Variants in MYZAP observed in about 807,000 individuals in gnomAD.
MYZAP encodes the protein GRINL1A complex locus upstream.
In MYZAP, 66 loss-of-function variants were observed where a neutral mutation model predicts 69.4. The observed-to-expected ratio is 0.95, with a 90% CI of 0.78 to 1.17. The LOEUF (loss-of-function observed/expected upper bound fraction) is 1.17. Among genes scored for constraint, MYZAP ranks in the 50% most tolerant of loss-of-function variants. The pLI is 0.00. For missense variants in MYZAP, 611 were observed against 556.2 expected (o/e 1.10, Z -0.99); for synonymous variants, 256 against 205.9 (o/e 1.24, Z -2.09).
chr15:57,623,610 G>A (rs1388756844), intron 4 of MYZAP, among the ~76,000 whole-genome samples: 5 of 152,138 alleles, frequency 3.3e-5, no homozygotes, highest in African/African-American at 9.6e-5. Context: ...GTGCAGGCCT[G>A]TAATCCTAGC....
At chr15:57,676,028 C>T (rs1340919897) in intron 12 of MYZAP, among the ~76,000 whole-genome samples, 1 of 151,984 alleles carries the variant, frequency 6.6e-6, no homozygotes, top group Non-Finnish European at 1.5e-5. Context: ...TAGTGACGAG[C>T]CGATCACCAA....
intron 12 of MYZAP, among the ~76,000 whole-genome samples, chr15:57,681,739 C>T (rs916245189): frequency 2.2e-4 from 33 of 151,806 alleles, no homozygotes; most frequent in Admixed American, 1.6e-3. Context: ...GAGCTGAGAT[C>T]GTGCCACTGC....
intron 11 of MYZAP, among the ~76,000 whole-genome samples, chr15:57,668,355 A>G (rs2038694895): frequency 6.6e-6 from 1 of 152,130 alleles, no homozygotes; most frequent in Admixed American, 6.5e-5. Context: ...TTTTTAAGAG[A>G]CCGTCAGTTT....
At chr15:57,674,902 G>C (rs1032578680) in intron 11 of MYZAP, 66 bp from the exon 12 acceptor site, 43 of 1,372,474 alleles carry the variant, frequency 3.1e-5, no homozygotes, top group Non-Finnish European at 4.2e-5. Flanking sequence ...CATATAAATT[G>C]TATCATGCAT....
At chr15:57,617,368 G>A (rs1366591261) in intron 2 of MYZAP, among the ~76,000 whole-genome samples, 2 of 152,114 alleles carry the variant, frequency 1.3e-5, no homozygotes, top group African/African-American at 4.8e-5. Flanking sequence ...GTTAAGGCTT[G>A]GACATGTTAC....
intron 2 of MYZAP, among the ~76,000 whole-genome samples, 199 bp downstream of exon 2, chr15:57,604,554 G>T (rs191299482): frequency 6.6e-6 from 1 of 152,080 alleles, no homozygotes; most frequent in African/African-American, 2.4e-5. Flanking sequence ...TGCCACCGAC[G>T]TGCCCTGCTC....
chr15:57,659,001 T>C (rs1212945073), intron 10 of MYZAP, among the ~76,000 whole-genome samples: 2 of 152,182 alleles, frequency 1.3e-5, no homozygotes, highest in African/African-American at 4.8e-5. Context: ...CTTTATTTTT[T>C]CCTCCAAACT....
At chr15:57,610,034 A>G (rs1464904912) in intron 2 of MYZAP, among the ~76,000 whole-genome samples, 1 of 152,192 alleles carries the variant, frequency 6.6e-6, no homozygotes, top group Non-Finnish European at 1.5e-5. Flanking sequence ...ATTTTAGGGC[A>G]TCTGATCTGA....
chr15:57,646,662 G>A, intron 10 of MYZAP: 2 of 990,696 alleles, frequency 2.0e-6, no homozygotes, highest in Non-Finnish European at 2.4e-6. Context: ...AAGTACAGGA[G>A]CAGCCAGGTA....
At chr15:57,667,288 C>T (rs1179559009) in intron 11 of MYZAP, among the ~76,000 whole-genome samples, 2 of 152,240 alleles carry the variant, frequency 1.3e-5, no homozygotes, top group Non-Finnish European at 2.9e-5. Flanking sequence ...GCTGCCCACA[C>T]CCCTGGGCCT....
At chr15:57,614,882 A>G (rs554152405) in intron 2 of MYZAP, among the ~76,000 whole-genome samples, 13 of 152,298 alleles carry the variant, frequency 8.5e-5, no homozygotes, top group African/African-American at 3.1e-4. Context: ...TGTGAGGATT[A>G]AAGAAAATAT....
chr15:57,664,335 T>G (rs749029045), intron 11 of MYZAP, among the ~76,000 whole-genome samples: 9 of 152,250 alleles, frequency 5.9e-5, no homozygotes, highest in Non-Finnish European at 7.3e-5. Flanking sequence ...TAAAAACTTA[T>G]GCATTCTTTA....
intron 10 of MYZAP, among the ~76,000 whole-genome samples, chr15:57,653,757 C>T (rs1278990462): frequency 7.9e-5 from 12 of 152,030 alleles, no homozygotes; most frequent in Admixed American, 7.2e-4. Context: ...GTAATCCCAG[C>T]ACTTCGGGAG....
At chr15:57,647,208 G>T in intron 10 of MYZAP, 1 of 985,430 alleles carries the variant, frequency 1.0e-6, no homozygotes, top group Non-Finnish European at 1.2e-6. Flanking sequence ...GGAGGGAGGG[G>T]ATGGGAAAGA....
chr15:57,624,009 C>G (rs150293169), intron 4 of MYZAP, among the ~76,000 whole-genome samples: 2,249 of 152,244 alleles, frequency 0.015, 30 homozygotes, highest in South Asian at 0.045. Flanking sequence ...TAACTAACAA[C>G]TGTTTCTAAT....
intron 7 of MYZAP, 38 bp downstream of exon 7, chr15:57,632,597 A>G (rs773380053): frequency 1.2e-6 from 2 of 1,611,100 alleles, no homozygotes; most frequent in East Asian, 2.2e-5. Flanking sequence ...ACTTACCGGG[A>G]ATTGTTGGTT....
intron 12 of MYZAP, among the ~76,000 whole-genome samples, chr15:57,684,045 C>T (rs748868968): frequency 5.9e-5 from 9 of 152,050 alleles, no homozygotes; most frequent in Non-Finnish European, 1.0e-4. Context: ...CCCCCTGCCT[C>T]GGCCTTCCAA....
chr15:57,596,109 C>T (rs2034040604), intron 1 of MYZAP, among the ~76,000 whole-genome samples: 2 of 152,164 alleles, frequency 1.3e-5, no homozygotes, highest in South Asian at 2.1e-4. Context: ...TCTGGAGACT[C>T]GTAAGGAAAC....
chr15:57,616,520 C>A (rs1324521141), intron 2 of MYZAP, among the ~76,000 whole-genome samples: 3 of 152,158 alleles, frequency 2.0e-5, no homozygotes, highest in African/African-American at 7.2e-5. Flanking sequence ...CTTCTAGTCC[C>A]AGCTACTCAG....
Sources: gnomAD v4.1 joint callset for allele counts (sites outside exome capture counted in the v4.1 genomes callset) on GRCh38, gnomAD v4.1.1 for gene constraint, MANE v1.5 for transcripts, NCBI Gene and HGNC (gene_info 2026-07-23, HGNC 2026-07-21) for gene names.